Variants in MLKL observed in about 807,000 individuals in gnomAD.
MLKL encodes the protein mixed lineage kinase domain-like protein.
In MLKL, 55 loss-of-function variants were observed where a neutral mutation model predicts 56.5. The observed-to-expected ratio is 0.97, with a 90% CI of 0.78 to 1.22. The LOEUF (loss-of-function observed/expected upper bound fraction) is 1.22, where lower values mean the gene tolerates loss of function less well. Ranked by LOEUF, MLKL falls within the 50% of genes most tolerant of loss-of-function variation. The pLI, the probability that MLKL is intolerant of heterozygous loss-of-function variation, is 0.00. For missense variants in MLKL, 694 were observed against 573.9 expected (o/e 1.21, Z -2.14); for synonymous variants, 251 against 208.3 (o/e 1.20, Z -1.76).
Position 74,686,409 on chromosome 16 carries a change from C to T in MLKL, c.723-826G>A, listed in dbSNP as rs562153389. ...AATCCTGCCGAACATGGTGAAACCC[C>T]GTCTCTACTAAAAATACAAAAAAAT... On this transcript the variant is annotated intron_variant, in intron 4 of 10. Coordinates refer to ENST00000308807, the MANE Select transcript of MLKL (RefSeq NM_152649.4). Among the ~76,000 whole-genome samples the T allele has an allele frequency of 5.8e-4, 88 of 152,234 alleles. 1 individual carries two copies. The highest frequency in any genetic ancestry group is 2.0e-3 in the African/African-American group (83 of 41,558).
chr16:74,691,893 G>GTCTTTCC (rs1285305555), intron 3 of MLKL, among the ~76,000 whole-genome samples: 8 of 152,260 alleles, frequency 5.3e-5, no homozygotes, highest in Admixed American at 3.9e-4. Flanking sequence ...TTCACTGTCT[G>GTCTTTCC]TCTTTCCTCT....
Position 74,692,322 on chromosome 16 carries a change from C to G in MLKL, c.535+20G>C, listed in dbSNP as rs764141960. ...CTAGTTTGGGGGCCATCAGAAACAG[C>G]AGGGCACATGATAACTTACACTGCC... On this transcript the variant is annotated intron_variant, in intron 3 of 10. Transcript: ENST00000308807. 3.7e-6 allele frequency: 6 copies of G among 1,607,080 alleles called. No homozygotes were observed. The South Asian group carries it at 6.7e-5, about 18-fold the overall frequency.
chr16:74,675,260 A>G, intron 9 of MLKL, 95 bp downstream of exon 9: 1 of 1,588,010 alleles, frequency 6.3e-7, no homozygotes, highest in South Asian at 1.1e-5. Flanking sequence ...ACATTAAACA[A>G]CAAATTGCCA....
intron 6 of MLKL, among the ~76,000 whole-genome samples, chr16:74,681,432 C>T (rs888776968): frequency 1.3e-5 from 2 of 152,112 alleles, no homozygotes; most frequent in African/African-American, 4.8e-5. Flanking sequence ...AGTGACTAAC[C>T]TTTGGGGACC....
At position 74,672,500 on chromosome 16, in the gene MLKL, T is replaced by C; in HGVS notation, c.*4A>G. On this transcript the variant is annotated 3_prime_UTR_variant, in exon 11 of 11. Coordinates refer to ENST00000308807, the MANE Select transcript of MLKL (RefSeq NM_152649.4). ...AGAGACTCCTTGGTTTAGATTTTGATACACTACTTAGAAAAGGTGGAGAGT... is the reference window on the plus strand; with the variant it reads ...AGAGACTCCTTGGTTTAGATTTTGACACACTACTTAGAAAAGGTGGAGAGT... The C allele has an allele frequency of 6.2e-7, 1 of 1,613,404 alleles. No individual in the cohort carries two copies. Among genetic ancestry groups the C allele is most frequent in the South Asian group, 1.1e-5 (1 of 91,070 alleles).
chr16:74,699,594 G>A (rs955285340), intron 1 of MLKL, among the ~76,000 whole-genome samples: 3 of 152,108 alleles, frequency 2.0e-5, no homozygotes, highest in Admixed American at 6.5e-5. Context: ...GATGGCTACC[G>A]AGATGTTCAC....
At chr16:74,681,479 A>C (rs1223420704) in intron 6 of MLKL, among the ~76,000 whole-genome samples, 1 of 151,964 alleles carries the variant, frequency 6.6e-6, no homozygotes, top group African/African-American at 2.4e-5. Flanking sequence ...GCAGGTGAGA[A>C]TAGGTAGAGT....
intron 4 of MLKL, among the ~76,000 whole-genome samples, chr16:74,687,845 C>T (rs960776019): frequency 7.7e-5 from 11 of 143,768 alleles, no homozygotes; most frequent in South Asian, 4.5e-4. Context: ...TTTTTTTTTG[C>T]GATGGAGTCT....
intron 1 of MLKL, among the ~76,000 whole-genome samples, chr16:74,697,823 A>G (rs981111011): frequency 6.6e-6 from 1 of 151,974 alleles, no homozygotes; most frequent in Non-Finnish European, 1.5e-5. Flanking sequence ...TCTCGAAAAA[A>G]CAAACAGGTG....
At chr16:74,686,413 T>G (rs2144511848) in intron 4 of MLKL, among the ~76,000 whole-genome samples, 1 of 152,216 alleles carries the variant, frequency 6.6e-6, no homozygotes, top group East Asian at 1.9e-4. Context: ...AAACCCCGTC[T>G]CTACTAAAAA....
At chr16:74,673,144 T>A (rs118054651) in intron 10 of MLKL, among the ~76,000 whole-genome samples, 1,802 of 152,298 alleles carry the variant, frequency 0.012, 20 homozygotes, top group South Asian at 0.023. Flanking sequence ...TGCTCAAGAC[T>A]TCTGTAAGCA....
chr16:74,697,267 G>C (rs1366743348), intron 1 of MLKL, among the ~76,000 whole-genome samples: 2 of 151,962 alleles, frequency 1.3e-5, no homozygotes, highest in African/African-American at 2.4e-5. Context: ...TGGTAGAATG[G>C]AAAGGGAGAA....
chr16:74,695,466 A>G lies in MLKL; in HGVS notation c.292T>C (p.Phe98Leu). 2 of 1,614,166 alleles carry G rather than the reference A, an allele frequency of 1.2e-6. No individual in the cohort carries two copies. Among genetic ancestry groups the G allele is most frequent in the Non-Finnish European group, 8.5e-7 (1 of 1,180,046 alleles). The change falls in exon 2 of 11, where the codon TTC becomes CTC. Residue 98 changes from phenylalanine to leucine, a missense_variant. Transcript: ENST00000308807. ...CTCAGCTTCCTGTTCACGTCCTTGA[A>G]GAGTATTTTGTCCTGGCTTGCTGTT... ...FLTASQDKIL[F>L]KDVNRKLSDV...
chr16:74,685,034 T>G (rs984722316), intron 5 of MLKL, among the ~76,000 whole-genome samples: 2 of 152,016 alleles, frequency 1.3e-5, no homozygotes, highest in African/African-American at 2.4e-5. Flanking sequence ...CCAGCTAATT[T>G]TTGTATTTTA....
At chr16:74,683,826 C>A (rs568199408) in intron 5 of MLKL, among the ~76,000 whole-genome samples, 4 of 152,254 alleles carry the variant, frequency 2.6e-5, no homozygotes, top group African/African-American at 9.6e-5. Context: ...CGGGTGAGGA[C>A]TCAGACAAGA....
chr16:74,693,796 G>A (rs1183748575), intron 2 of MLKL, among the ~76,000 whole-genome samples: 2 of 151,982 alleles, frequency 1.3e-5, no homozygotes, highest in African/African-American at 4.8e-5. Context: ...GTAGAGACGG[G>A]GTTTCACCGT....
intron 2 of MLKL, 63 bp downstream of exon 2, chr16:74,695,235 A>C: frequency 6.6e-7 from 1 of 1,506,156 alleles, no homozygotes; most frequent in Non-Finnish European, 9.1e-7. Context: ...TCCTTTGGTA[A>C]ATTAAAGTGA....
chr16:74,680,400 T>C (rs561755765), intron 6 of MLKL, among the ~76,000 whole-genome samples: 8 of 152,216 alleles, frequency 5.3e-5, no homozygotes, highest in Non-Finnish European at 1.0e-4. Flanking sequence ...TGCAAGATTA[T>C]ATAAAGGGAA....
At position 74,695,501 on chromosome 16, in the gene MLKL, C is replaced by T; in HGVS notation, c.257G>A (p.Cys86Tyr). ...GTCCTGGCTTGCTGTTAGAAACCTG[C>T]AGATATTGGATCTATTGCTGAACTT... ...IEKFSNRSNI[C>Y]RFLTASQDKI... The change falls in exon 2 of 11, where the codon TGC (cysteine) becomes TAC (tyrosine). Residue 86 changes from cysteine to tyrosine, a missense_variant. By Grantham distance (194) the Cys-to-Tyr change is radical. Transcript: ENST00000308807. The T allele has an allele frequency of 6.2e-7, 1 of 1,614,186 alleles. No homozygotes were observed. The highest frequency in any genetic ancestry group is 8.5e-7 in the Non-Finnish European group (1 of 1,180,048).
Sources: allele counts gnomAD v4.1 joint callset (sites outside exome capture counted in the v4.1 genomes callset), GRCh38; gene constraint gnomAD v4.1.1; transcripts MANE v1.5; gene names NCBI Gene and HGNC (gene_info 2026-07-23, HGNC 2026-07-21).